Variants in MMS22L observed in about 807,000 individuals in gnomAD.
MMS22L encodes the protein MMS22 like, DNA repair protein.
Under a neutral mutation model 159.1 loss-of-function variants are expected in MMS22L, and 74 were observed. The observed-to-expected ratio is 0.47, with a 90% confidence interval of 0.39 to 0.56. The LOEUF (loss-of-function observed/expected upper bound fraction) is 0.56, where lower values mean the gene tolerates loss of function less well. MMS22L is among the 20% of genes least tolerant of loss of function. MMS22L has a pLI of 0.00. For missense variants in MMS22L, 1,351 were observed against 1,422.1 expected, an observed-to-expected ratio of 0.95 and a Z score of 0.80; for synonymous variants, 517 against 506.9, an observed-to-expected ratio of 1.02 and a Z score of -0.27.
chr6:97,168,375 A>C lies in MMS22L; in HGVS notation c.2840-135T>G, dbSNP rs757497923. The C allele has an allele frequency of 8.9e-6, 6 of 670,750 alleles. No individual in the cohort carries two copies. In the Admixed American group the frequency reaches 9.2e-5, roughly 10 times the overall value. The allele number at this position is 670,750 out of a possible 1,614,324, so 41.5% of individuals were successfully genotyped here. On this transcript the variant is annotated intron_variant, in intron 19 of 24. Coordinates refer to ENST00000683635, the MANE Select transcript of MMS22L (RefSeq NM_001350599.2). ...GGAATAGGAAGAGACATATAGTAGA[A>C]GTAACAAATATTTATGTCAATTCAT...
intron 11 of MMS22L, among the ~76,000 whole-genome samples, chr6:97,234,565 G>C (rs1330726985): frequency 6.6e-6 from 1 of 152,040 alleles, no homozygotes; most frequent in Non-Finnish European, 1.5e-5. Flanking sequence ...TTCAACAATT[G>C]TATTTAAAAC....
At chr6:97,198,363 T>C (rs1342280688) in intron 14 of MMS22L, among the ~76,000 whole-genome samples, 1 of 152,170 alleles carries the variant, frequency 6.6e-6, no homozygotes, top group East Asian at 1.9e-4. Flanking sequence ...TTAGAGTTAC[T>C]TCCAGACATT....
At position 97,186,754 on chromosome 6, in the gene MMS22L, A is replaced by G. The variant is rs140929933; in HGVS notation, c.2040-64T>C. ...ATGCTTACAAAAATCTTCTTAAAGT[A>G]CATTTTGAGCTTTTTCCATTTATAT... is the stretch of plus-strand genomic sequence containing the variant. On this transcript the variant is annotated intron_variant, in intron 14 of 24. Coordinates refer to ENST00000683635, the MANE Select transcript of MMS22L (RefSeq NM_001350599.2). The G allele has an allele frequency of 2.6e-5, 32 of 1,242,388 alleles. No homozygotes were observed. The East Asian group carries it at 8.4e-4, about 32-fold the overall frequency. 77.0% of individuals were successfully genotyped at this position (1,242,388 alleles called of 1,614,324 possible).
At position 97,269,834 on chromosome 6, in the gene MMS22L, T is replaced by C. The variant is rs1324040645; in HGVS notation, c.697+68A>G. On this transcript the variant is annotated intron_variant, in intron 7 of 24. Coordinates refer to ENST00000683635, the MANE Select transcript of MMS22L (RefSeq NM_001350599.2). ...TAAATATCAGAAAGCACTTATTACT[T>C]ATGTAATTTTAAAAAGCAATAAAAG... The C allele has an allele frequency of 3.6e-6, 4 of 1,124,986 alleles. No homozygotes were observed. In the Admixed American group the frequency reaches 8.5e-5, roughly 24 times the overall value. 69.7% of individuals were successfully genotyped at this position (1,124,986 alleles called of 1,614,324 possible). A position where few individuals can be genotyped will look rare whatever the true frequency, so the allele number is the denominator to read the frequency against.
At chr6:97,235,001 T>G (rs552295575) in intron 11 of MMS22L, among the ~76,000 whole-genome samples, 1 of 152,328 alleles carries the variant, frequency 6.6e-6, no homozygotes, top group East Asian at 1.9e-4. Context: ...AAATTTGGAT[T>G]GTATTTTAAA....
intron 4 of MMS22L, among the ~76,000 whole-genome samples, chr6:97,274,846 A>G (rs1428724055): frequency 6.6e-6 from 1 of 152,202 alleles, no homozygotes; most frequent in African/African-American, 2.4e-5. Context: ...AATTCCCTAT[A>G]AAGAGTACAC....
intron 9 of MMS22L, chr6:97,259,477 A>G (rs954259001): frequency 1.3e-5 from 2 of 152,166 alleles, no homozygotes; most frequent in African/African-American, 4.8e-5. Context: ...CTCCGAGGGT[A>G]GAGAAGACTC....
chr6:97,206,938 T>C (rs1207231902), intron 14 of MMS22L, among the ~76,000 whole-genome samples: 1 of 152,162 alleles, frequency 6.6e-6, no homozygotes, highest in Non-Finnish European at 1.5e-5. Context: ...CTTGGAGCTC[T>C]TTCTTTCCCA....
At chr6:97,163,297 G>A (rs905774686) in intron 21 of MMS22L, among the ~76,000 whole-genome samples, 10 of 151,970 alleles carry the variant, frequency 6.6e-5, no homozygotes, top group Non-Finnish European at 1.5e-4. Context: ...TTATAATATA[G>A]CATAATGGTG....
chr6:97,186,751 A>T lies in MMS22L; in HGVS notation c.2040-61T>A, dbSNP rs916062425. ...TAAATGCTTACAAAAATCTTCTTAAAGTACATTTTGAGCTTTTTCCATTTA... is the reference window on the plus strand; with the variant it reads ...TAAATGCTTACAAAAATCTTCTTAATGTACATTTTGAGCTTTTTCCATTTA... On this transcript the variant is annotated intron_variant, in intron 14 of 24. Coordinates refer to ENST00000683635, the MANE Select transcript of MMS22L (RefSeq NM_001350599.2). 15 of 1,278,220 alleles carry T rather than the reference A, an allele frequency of 1.2e-5. No individual in the cohort carries two copies. In the East Asian group the frequency reaches 4.1e-4, roughly 35 times the overall value. The allele number at this position is 1,278,220 out of a possible 1,614,324, so 79.2% of individuals were successfully genotyped here.
chr6:97,187,788 A>C (rs1805407960), intron 14 of MMS22L, among the ~76,000 whole-genome samples: 1 of 152,194 alleles, frequency 6.6e-6, no homozygotes, highest in Non-Finnish European at 1.5e-5. Flanking sequence ...GCAATCCCAC[A>C]AAAAGATCAA....
chr6:97,250,284 A>G (rs1381829212), intron 10 of MMS22L, among the ~76,000 whole-genome samples: 3 of 152,176 alleles, frequency 2.0e-5, no homozygotes, highest in African/African-American at 4.8e-5. Flanking sequence ...TCTCTACCAG[A>G]TATGTAGAAC....
At chr6:97,191,270 A>G (rs974810517) in intron 14 of MMS22L, among the ~76,000 whole-genome samples, 2 of 152,120 alleles carry the variant, frequency 1.3e-5, no homozygotes, top group Admixed American at 1.3e-4. Flanking sequence ...CCTCCCTAGT[A>G]ACTTAGGCAG....
Position 97,151,856 on chromosome 6 carries a change from C to T in MMS22L, c.3397G>A (p.Ala1133Thr), listed in dbSNP as rs993178889. ...LVSEPQVKRL[A>T]TENLQYMVKA... The stretch of plus-strand genomic sequence containing the variant: ...ACCATGTATTGCAGGTTCTCTGTGG[C>T]CAGCCTTTTAACTAGAAGGAAAAAT... Residue 1133 changes from alanine (A) to threonine (T), a missense_variant, in exon 23 of 25, where the codon GCC (alanine) becomes ACC (threonine). Coordinates refer to ENST00000683635, the MANE Select transcript of MMS22L (RefSeq NM_001350599.2). 11 of 1,613,272 alleles carry T rather than the reference C, an allele frequency of 6.8e-6. No individual in the cohort carries two copies. Among genetic ancestry groups the T allele is most frequent in the Non-Finnish European group, 9.3e-6 (11 of 1,179,460 alleles).
chr6:97,190,521 A>C (rs1805756008), intron 14 of MMS22L, among the ~76,000 whole-genome samples: 1 of 152,176 alleles, frequency 6.6e-6, no homozygotes, highest in African/African-American at 2.4e-5. Context: ...GTAGAAAATA[A>C]ATTTGCTGAA....
At chr6:97,250,057 C>A (rs189795598) in intron 10 of MMS22L, among the ~76,000 whole-genome samples, 1 of 151,838 alleles carries the variant, frequency 6.6e-6, no homozygotes, top group African/African-American at 2.4e-5. Flanking sequence ...TATGTCATAC[C>A]CAAATCAAGG....
chr6:97,186,487 T>A lies in MMS22L; in HGVS notation c.2233+10A>T, dbSNP rs775789654. ...AAAGAGAAATTAGCAAATTAATAAT[T>A]AATGCTGACCTGCAGCTGCATCCGC... On this transcript the variant is annotated intron_variant, in intron 15 of 24. Coordinates refer to ENST00000683635, the MANE Select transcript of MMS22L (RefSeq NM_001350599.2). 6.2e-7 allele frequency: 1 copy of A among 1,602,972 alleles called. No individual in the cohort carries two copies.
intron 10 of MMS22L, among the ~76,000 whole-genome samples, chr6:97,247,078 T>C (rs1812738832): frequency 6.6e-6 from 1 of 150,896 alleles, no homozygotes; most frequent in Non-Finnish European, 1.5e-5. Flanking sequence ...CTTTAATCAC[T>C]AGAGCTTTTT....
At chr6:97,199,384 T>G (rs1245001648) in intron 14 of MMS22L, among the ~76,000 whole-genome samples, 1 of 152,108 alleles carries the variant, frequency 6.6e-6, no homozygotes, top group Non-Finnish European at 1.5e-5. Flanking sequence ...ACAGTGAAAT[T>G]TGCTTTATAA....
Sources: gnomAD v4.1 joint callset for allele counts (sites outside exome capture counted in the v4.1 genomes callset) on GRCh38, gnomAD v4.1.1 for gene constraint, MANE v1.5 for transcripts, NCBI Gene and HGNC (gene_info 2026-07-23, HGNC 2026-07-21) for gene names.